RNF212B: variants seen among roughly 807,000 people sequenced by gnomAD.
The protein encoded by RNF212B is ring finger protein 212B.
A neutral mutation model predicts 55.5 loss-of-function variants in RNF212B; 52 were observed. The ratio of observed to expected loss-of-function variants is 0.94; its 90% confidence interval spans 0.75 to 1.18. RNF212B has a LOEUF of 1.18. Ranked by LOEUF, RNF212B falls within the 50% of genes most tolerant of loss-of-function variation. The pLI is 0.00. For synonymous variants in RNF212B, 99 were observed against 121.4 expected (o/e 0.82, Z 1.21); for missense variants, 289 against 350.4 (o/e 0.82, Z 1.40).
intron 2 of RNF212B, among the ~76,000 whole-genome samples, chr14:23,203,921 T>A (rs976203044): frequency 9.9e-5 from 15 of 152,252 alleles, no homozygotes; most frequent in African/African-American, 3.4e-4. Flanking sequence ...ATTATAGCCA[T>A]TCTTGCAGGA....
chr14:23,187,542 C>T lies in RNF212B; in HGVS notation c.-79+2052C>T, dbSNP rs117684525. Reference sequence around the variant, plus strand: ...TATTCCCTTTCAGAGACAAGTTAGACGTGTCTGCTAATGCAAAGGAATAGA... The same window carrying T: ...TATTCCCTTTCAGAGACAAGTTAGATGTGTCTGCTAATGCAAAGGAATAGA... On this transcript the variant is annotated intron_variant, in intron 1 of 15. Coordinates refer to the RNF212B transcript ENST00000399910. Among the ~76,000 whole-genome samples the T allele has an allele frequency of 5.5e-4, 83 of 152,236 alleles. No individual in the cohort carries two copies. In the East Asian group the frequency reaches 9.6e-3, roughly 18 times the overall value.
chr14:23,258,375 T>G, intron 4 of RNF212B, 174 bp from the exon 5 acceptor site: 1 of 360,426 alleles, frequency 2.8e-6, no homozygotes, highest in Non-Finnish European at 4.9e-6. Context: ...AAGGCTAGTG[T>G]CCTGGAAATG....
intron 4 of RNF212B, among the ~76,000 whole-genome samples, chr14:23,257,154 C>T (rs1447363726): frequency 1.1e-4 from 8 of 74,786 alleles, no homozygotes; most frequent in African/African-American, 1.6e-4. Flanking sequence ...CTCAGTCACA[C>T]ACACACAAAA....
At chr14:23,263,275 A>G (rs1045920089) in intron 9 of RNF212B, among the ~76,000 whole-genome samples, 6 of 152,348 alleles carry the variant, frequency 3.9e-5, no homozygotes, top group South Asian at 2.1e-4. Flanking sequence ...TGCTCCGAAC[A>G]GGGAAAGTTG....
intron 11 of RNF212B, among the ~76,000 whole-genome samples, chr14:23,265,538 T>C (rs1367190657): frequency 6.6e-6 from 1 of 152,212 alleles, no homozygotes; most frequent in Non-Finnish European, 1.5e-5. Flanking sequence ...TCTCTTTTTT[T>C]AATTCTCCAA....
intron 9 of RNF212B, among the ~76,000 whole-genome samples, chr14:23,263,534 G>A (rs1045953553): frequency 1.3e-5 from 2 of 152,180 alleles, no homozygotes; most frequent in African/African-American, 4.8e-5. Flanking sequence ...AGGGAGTTAA[G>A]TTTATGCTGA....
intron 2 of RNF212B, among the ~76,000 whole-genome samples, chr14:23,208,733 C>T (rs952494948): frequency 1.3e-5 from 2 of 149,556 alleles, no homozygotes; most frequent in Non-Finnish European, 1.5e-5. Context: ...ACAGACAGAG[C>T]AGTCCCAAGG....
intron 2 of RNF212B, among the ~76,000 whole-genome samples, chr14:23,193,751 CA>C (rs71115601): frequency 0.67 from 98,078 of 147,306 alleles, 32,426 homozygotes; most frequent in Admixed American, 0.73. Flanking sequence ...GAAGATTTAA[CA>C]AAAAAAAAAA....
chr14:23,200,772 T>C (rs924025509), intron 2 of RNF212B, among the ~76,000 whole-genome samples: 2 of 152,200 alleles, frequency 1.3e-5, no homozygotes, highest in Non-Finnish European at 2.9e-5. Context: ...AAGGGCTTTA[T>C]TGGCTTCTTA....
chr14:23,197,192 A>T (rs557524673), intron 2 of RNF212B, among the ~76,000 whole-genome samples: 3 of 152,242 alleles, frequency 2.0e-5, no homozygotes, highest in African/African-American at 7.2e-5. Context: ...TTATTAGTAC[A>T]TAAGTGGTCA....
intron 1 of RNF212B, among the ~76,000 whole-genome samples, chr14:23,238,610 C>T (rs1211597899): frequency 6.6e-6 from 1 of 151,600 alleles, no homozygotes; most frequent in Non-Finnish European, 1.5e-5. Context: ...TGGTGGTGCT[C>T]GCCTGTAGTC....
chr14:23,267,127 C>G (rs1057165975), intron 11 of RNF212B, among the ~76,000 whole-genome samples: 1 of 152,044 alleles, frequency 6.6e-6, no homozygotes, highest in African/African-American at 2.4e-5. Flanking sequence ...CACCACCACG[C>G]CTGGCTAGTT....
intron 3 of RNF212B, among the ~76,000 whole-genome samples, chr14:23,243,923 C>A (rs2140441579): frequency 6.6e-6 from 1 of 151,816 alleles, no homozygotes; most frequent in East Asian, 1.9e-4. Flanking sequence ...ACTAAAAATA[C>A]AAAAATTAGC....
chr14:23,209,458 C>T (rs1235989320), intron 2 of RNF212B, among the ~76,000 whole-genome samples: 1 of 152,016 alleles, frequency 6.6e-6, no homozygotes, highest in East Asian at 1.9e-4. Flanking sequence ...AGATTATAAT[C>T]CAATGTATAA....
upstream of RNF212B, among the ~76,000 whole-genome samples, chr14:23,236,706 G>A (rs1489085649): frequency 6.6e-6 from 1 of 151,912 alleles, no homozygotes; most frequent in Non-Finnish European, 1.5e-5. Flanking sequence ...ATAAACAAAA[G>A]CTCTTTGGAG....
At position 23,262,731 on chromosome 14, in the gene RNF212B, T is replaced by G. The variant is rs1337638874; in HGVS notation, c.481+20T>G. On this transcript the variant is annotated intron_variant, in intron 8 of 14. Coordinates refer to ENST00000430154, the MANE Select transcript of RNF212B (RefSeq NM_001282322.3). ...AGTCAGGTGGAGAACATTTTTCCCC[T>G]AAATATCTGTGTGAGATGAATATCC... 3 of 1,548,242 alleles carry G rather than the reference T, an allele frequency of 1.9e-6. No individual in the cohort carries two copies. In the South Asian group the frequency reaches 3.6e-5, roughly 18 times the overall value.
chr14:23,216,426 G>C (rs1488925720), intron 2 of RNF212B, among the ~76,000 whole-genome samples: 1 of 151,916 alleles, frequency 6.6e-6, no homozygotes. Flanking sequence ...GAATCAAATA[G>C]CATACTTAAT....
Position 23,232,215 on chromosome 14 carries a change from T to C in RNF212B, c.-1-8130T>C, listed in dbSNP as rs867626281. ...GAAGTGAGGAGCGTCTCTGCCCGGC[T>C]GCCCATCGTCTGAGATGTGGGGAGC... On this transcript the variant is annotated intron_variant, in intron 2 of 15. Transcript: ENST00000399910. Among the ~76,000 whole-genome samples, 18 of 144,172 alleles carry C rather than the reference T, an allele frequency of 1.2e-4. No individual in the cohort carries two copies. In the Middle Eastern group the frequency reaches 0.012, roughly 98 times the overall value. The allele number at this position is 144,172 out of a possible 152,430, so 94.6% of individuals were successfully genotyped here. A position where few individuals can be genotyped will look rare whatever the true frequency, so the allele number is the denominator to read the frequency against.
chr14:23,214,551 G>A (rs1029607399), intron 2 of RNF212B, among the ~76,000 whole-genome samples: 15 of 151,300 alleles, frequency 9.9e-5, no homozygotes, highest in African/African-American at 3.6e-4. Context: ...TTAAAAAAAG[G>A]ACAACCAAAT....
Sources: gnomAD v4.1 joint callset for allele counts (sites outside exome capture counted in the v4.1 genomes callset) on GRCh38, gnomAD v4.1.1 for gene constraint, MANE v1.5 for transcripts, NCBI Gene and HGNC (gene_info 2026-07-23, HGNC 2026-07-21) for gene names.